The following ATRNL1 variants were observed in gnomAD, a reference collection of about 807,000 sequenced individuals.
ATRNL1 encodes the protein attractin like 1.
A neutral mutation model predicts 182.7 loss-of-function variants in ATRNL1; 95 were observed. The ratio of observed to expected loss-of-function variants is 0.52; its 90% CI spans 0.44 to 0.62. The LOEUF is 0.62. Among genes scored for constraint, ATRNL1 ranks in the 20% least tolerant of loss-of-function variants. ATRNL1 has a pLI of 0.00. For missense variants in ATRNL1, 1,471 were observed against 1,679.5 expected (o/e 0.88, Z 2.17); for synonymous variants, 576 against 568.3 (o/e 1.01, Z -0.19).
At chr10:115,582,503 G>A (rs61882967) in intron 26 of ATRNL1, among the ~76,000 whole-genome samples, 12,590 of 119,012 alleles carry the variant, frequency 0.11, 914 homozygotes, top group South Asian at 0.16. Context: ...CAGTGATGGT[G>A]AGCATTTTTT....
intron 19 of ATRNL1, among the ~76,000 whole-genome samples, chr10:115,381,525 G>A (rs1262201497): frequency 1.3e-5 from 2 of 150,014 alleles, no homozygotes; most frequent in African/African-American, 4.9e-5. Flanking sequence ...CGCCCGTCTC[G>A]GCCTTCCAAA....
At chr10:115,762,416 A>G (rs116443525) in intron 27 of ATRNL1, among the ~76,000 whole-genome samples, 1 of 152,156 alleles carries the variant, frequency 6.6e-6, no homozygotes, top group Non-Finnish European at 1.5e-5. Flanking sequence ...AATCTAGTAC[A>G]TCCTAGAAAA....
At position 115,888,405 on chromosome 10, in the gene ATRNL1, G is replaced by GT. The variant is rs1555110304; in HGVS notation, c.4018+40420dup. Reference sequence around the variant, plus strand: ...CTCCATTAGGGCAGAGACCACATCTGTTTTTTCAGGGCCAGAAGATGATAG... The same window carrying GT: ...CTCCATTAGGGCAGAGACCACATCTGTTTTTTTCAGGGCCAGAAGATGATAG... On this transcript the variant is annotated intron_variant, in intron 28 of 28. Transcript: ENST00000355044. Among the ~76,000 whole-genome samples, 5 of 152,240 alleles carry GT rather than the reference G, an allele frequency of 3.3e-5. 1 individual carries two copies. In the South Asian group the frequency reaches 8.3e-4, roughly 25 times the overall value.
chr10:115,851,284 A>C (rs920842732), intron 28 of ATRNL1, among the ~76,000 whole-genome samples: 2 of 152,184 alleles, frequency 1.3e-5, no homozygotes, highest in Non-Finnish European at 2.9e-5. Flanking sequence ...CACACAGTGA[A>C]TTTCAACCCT....
chr10:115,313,603 T>C (rs1854145226), intron 17 of ATRNL1, among the ~76,000 whole-genome samples: 1 of 152,296 alleles, frequency 6.6e-6, no homozygotes, highest in Admixed American at 6.5e-5. Context: ...ATTCACTGGG[T>C]TGAACAATTC....
chr10:115,156,777 G>A (rs1846538952), intron 5 of ATRNL1, among the ~76,000 whole-genome samples: 1 of 152,108 alleles, frequency 6.6e-6, no homozygotes, highest in Admixed American at 6.6e-5. Context: ...AATGCAGAGA[G>A]AGTTATGGGG....
intron 26 of ATRNL1, among the ~76,000 whole-genome samples, chr10:115,552,463 A>C (rs17093257): frequency 5.9e-5 from 9 of 151,316 alleles, no homozygotes; most frequent in Admixed American, 5.3e-4. Context: ...TACTTAAAGG[A>C]TTCTTCTTAG....
At chr10:115,510,543 T>C (rs973232669) in intron 24 of ATRNL1, among the ~76,000 whole-genome samples, 11 of 152,050 alleles carry the variant, frequency 7.2e-5, no homozygotes, top group African/African-American at 2.4e-4. Flanking sequence ...AAGTATTTTA[T>C]ATATATTTTC....
intron 27 of ATRNL1, among the ~76,000 whole-genome samples, chr10:115,803,549 G>A (rs1218111637): frequency 6.6e-6 from 1 of 151,296 alleles, no homozygotes; most frequent in African/African-American, 2.4e-5. Context: ...AGATATGGAG[G>A]AAACTTTATT....
Position 115,462,409 on chromosome 10 carries a change from C to T in ATRNL1, c.3417+374C>T, listed in dbSNP as rs974877911. Reference sequence around the variant, plus strand: ...CGGGCAGATCATGATGCCCAGAGATCGAGACCATCCTGGCCAATGTGGTGA... The same window carrying T: ...CGGGCAGATCATGATGCCCAGAGATTGAGACCATCCTGGCCAATGTGGTGA... On this transcript the variant is annotated intron_variant, in intron 22 of 28. Transcript: ENST00000355044. 7.2e-5 allele frequency among the ~76,000 whole-genome samples: 11 copies of T among 152,048 alleles called. No individual in the cohort carries two copies. The East Asian group carries it at 1.4e-3, about 19-fold the overall frequency.
intron 25 of ATRNL1, among the ~76,000 whole-genome samples, chr10:115,528,505 TTTTCTTTC>T (rs1851377143): frequency 6.6e-6 from 1 of 151,752 alleles, no homozygotes; most frequent in Non-Finnish European, 1.5e-5. Flanking sequence ...GTAATTTCAG[TTTTCTTTC>T]TCTTTTCTTT....
intron 1 of ATRNL1, among the ~76,000 whole-genome samples, chr10:115,108,619 T>G (rs1592109609): frequency 1.3e-5 from 2 of 152,186 alleles, no homozygotes; most frequent in African/African-American, 4.8e-5. Flanking sequence ...TTGATCAGCA[T>G]CATCTTGTCT....
At chr10:115,381,536 G>A in intron 19 of ATRNL1, among the ~76,000 whole-genome samples, 1 of 150,154 alleles carries the variant, frequency 6.7e-6, no homozygotes, top group East Asian at 1.9e-4. Context: ...GCCTTCCAAA[G>A]TGCTGGGATT....
intron 24 of ATRNL1, among the ~76,000 whole-genome samples, chr10:115,494,425 G>T (rs1220151338): frequency 1.3e-5 from 2 of 152,120 alleles, no homozygotes; most frequent in Non-Finnish European, 2.9e-5. Context: ...TTCTCCAGGG[G>T]AATGCTGCTA....
chr10:115,279,598 T>C (rs1852266507), intron 13 of ATRNL1, among the ~76,000 whole-genome samples: 1 of 152,228 alleles, frequency 6.6e-6, no homozygotes, highest in Non-Finnish European at 1.5e-5. Flanking sequence ...AGCCAATTTC[T>C]GCTATAGTAG....
chr10:115,424,108 G>C (rs782689755), intron 20 of ATRNL1, among the ~76,000 whole-genome samples: 10 of 152,118 alleles, frequency 6.6e-5, no homozygotes, highest in Non-Finnish European at 1.3e-4. Context: ...GTAGTAAAGA[G>C]TGGACAAAAG....
At chr10:115,399,983 CA>C in intron 20 of ATRNL1, among the ~76,000 whole-genome samples, 1 of 152,100 alleles carries the variant, frequency 6.6e-6, no homozygotes, top group African/African-American at 2.4e-5. Flanking sequence ...AAAGCATTAA[CA>C]GAGTAAACAG....
intron 24 of ATRNL1, among the ~76,000 whole-genome samples, chr10:115,512,026 C>T (rs1554982771): frequency 1.3e-5 from 2 of 151,724 alleles, no homozygotes; most frequent in Non-Finnish European, 2.9e-5. Flanking sequence ...TACAAAGGTG[C>T]ATTTATACTG....
intron 19 of ATRNL1, among the ~76,000 whole-genome samples, chr10:115,339,630 G>A (rs1426802966): frequency 1.3e-5 from 2 of 152,016 alleles, no homozygotes; most frequent in Non-Finnish European, 1.5e-5. Flanking sequence ...CCAAATATAA[G>A]ATCATATTAT....
Sources: allele counts gnomAD v4.1 joint callset (sites outside exome capture counted in the v4.1 genomes callset), GRCh38; gene constraint gnomAD v4.1.1; transcripts MANE v1.5; gene names NCBI Gene and HGNC (gene_info 2026-07-23, HGNC 2026-07-21).